Variants in ABCB5 observed in about 807,000 individuals in gnomAD.
ABCB5 encodes ATP binding cassette subfamily B member 5.
A neutral mutation model predicts 144.2 loss-of-function variants in ABCB5; 155 were observed. The ratio of observed to expected loss-of-function variants is 1.08; its 90% CI spans 0.94 to 1.23. The LOEUF (loss-of-function observed/expected upper bound fraction) is 1.23, where lower values mean the gene tolerates loss of function less well. ABCB5 is among the 50% of genes most tolerant of loss of function. The pLI is 0.00. For synonymous variants in ABCB5, 610 were observed against 528.6 expected, an observed-to-expected ratio of 1.15 and a Z score of -2.11; for missense variants, 1,830 against 1,520.8, an observed-to-expected ratio of 1.20 and a Z score of -3.38.
intron 20 of ABCB5, among the ~76,000 whole-genome samples, chr7:20,721,797 T>C (rs1370302368): frequency 6.6e-6 from 1 of 152,228 alleles, no homozygotes; most frequent in Non-Finnish European, 1.5e-5. Flanking sequence ...GAATTCACTT[T>C]AGAACATTTT....
chr7:20,720,771 C>A (rs1018590900), intron 20 of ABCB5, among the ~76,000 whole-genome samples: 3 of 151,608 alleles, frequency 2.0e-5, no homozygotes, highest in African/African-American at 7.3e-5. Flanking sequence ...CGGTGAAACC[C>A]CGTCTCTACT....
At chr7:20,660,606 G>A (rs1382108263) in intron 14 of ABCB5, among the ~76,000 whole-genome samples, 2 of 152,176 alleles carry the variant, frequency 1.3e-5, no homozygotes, top group African/African-American at 4.8e-5. Flanking sequence ...CTGCAGTTAT[G>A]GAACCAAGCC....
chr7:20,639,139 T>C (rs1042933202), intron 5 of ABCB5, among the ~76,000 whole-genome samples: 3 of 152,224 alleles, frequency 2.0e-5, no homozygotes, highest in African/African-American at 7.2e-5. Context: ...ACTTTTTATC[T>C]ACTCATATAT....
At position 20,639,584 on chromosome 7, in the gene ABCB5, A is replaced by G. The variant is rs1184133814; in HGVS notation, c.315-3600A>G. Among the ~76,000 whole-genome samples, 3 of 152,178 alleles carry G rather than the reference A, an allele frequency of 2.0e-5. No homozygotes were observed. The East Asian group carries it at 5.8e-4, about 29-fold the overall frequency. The stretch of plus-strand genomic sequence containing the variant: ...CATGTGGCTGTCCAGTTGTCCCAGA[A>G]CCATTTGTTGAAAAAACAGTCTTTT... On this transcript the variant is annotated intron_variant, in intron 5 of 27. Transcript: ENST00000404938.
intron 4 of ABCB5, among the ~76,000 whole-genome samples, chr7:20,630,087 G>A (rs1260530771): frequency 6.6e-6 from 1 of 151,984 alleles, no homozygotes; most frequent in Non-Finnish European, 1.5e-5. Flanking sequence ...TTATTCTTTA[G>A]GTTAAATTCC....
rs765395888 is a variant in ABCB5 at position 20,626,609 on chromosome 7, A to G, written c.106A>G (p.Ile36Val). The G allele has an allele frequency of 1.9e-6, 3 of 1,604,072 alleles. No homozygotes were observed. The highest frequency in any genetic ancestry group is 2.6e-6 in the Non-Finnish European group (3 of 1,174,978). Residue 36 changes from isoleucine to valine, a missense_variant and splice_region_variant, in exon 3 of 28, where the codon ATA (isoleucine) becomes GTA (valine). Coordinates refer to ENST00000404938, the MANE Select transcript of ABCB5 (RefSeq NM_001163941.2). ...LRKEAVGSIE[I>V]FRFADGLDIT... ...AAAGGAAGCAGTTGGATCTATTGAG[A>G]TAGTAAGTGAAATCAGTTAGAAAGT...
chr7:20,617,023 C>T (rs1035419981), intron 1 of ABCB5, among the ~76,000 whole-genome samples: 1 of 152,132 alleles, frequency 6.6e-6, no homozygotes, highest in African/African-American at 2.4e-5. Flanking sequence ...CTTTCTCTGA[C>T]CAGATGTATA....
chr7:20,679,557 A>T (rs901654404), intron 14 of ABCB5, among the ~76,000 whole-genome samples: 1 of 151,856 alleles, frequency 6.6e-6, no homozygotes, highest in Non-Finnish European at 1.5e-5. Flanking sequence ...TATTTAACAA[A>T]GTTCTCACTT....
intron 11 of ABCB5, among the ~76,000 whole-genome samples, chr7:20,649,276 T>C (rs936181573): frequency 6.6e-6 from 1 of 152,204 alleles, no homozygotes; most frequent in Non-Finnish European, 1.5e-5. Context: ...GTTTGGCTTA[T>C]GCAAAGGGTC....
At chr7:20,738,938 A>C in intron 23 of ABCB5, 45 bp from the exon 24 acceptor site, 2 of 1,524,612 alleles carry the variant, frequency 1.3e-6, no homozygotes, top group Non-Finnish European at 1.8e-6. Context: ...ACTGTTTTAC[A>C]AAGGATCGAT....
At chr7:20,659,490 T>C (rs1192647753) in intron 14 of ABCB5, 29 of 1,042,022 alleles carry the variant, frequency 2.8e-5, no homozygotes, top group Non-Finnish European at 3.1e-5. Context: ...GTCCACTGCT[T>C]CTTGAAAAAT....
At chr7:20,617,558 A>G (rs1400173821) in intron 1 of ABCB5, among the ~76,000 whole-genome samples, 1 of 152,234 alleles carries the variant, frequency 6.6e-6, no homozygotes, top group Non-Finnish European at 1.5e-5. Context: ...TTTGTGCTAG[A>G]TACTATATAG....
chr7:20,651,242 C>A (rs1346138064), intron 12 of ABCB5, among the ~76,000 whole-genome samples, 178 bp from the exon 13 acceptor site: 2 of 152,046 alleles, frequency 1.3e-5, no homozygotes, highest in African/African-American at 4.8e-5. Flanking sequence ...TGTTGGTGCC[C>A]ATCTACCAGA....
chr7:20,697,627 T>G (rs1786465880), intron 16 of ABCB5, among the ~76,000 whole-genome samples: 1 of 152,222 alleles, frequency 6.6e-6, no homozygotes, highest in African/African-American at 2.4e-5. Flanking sequence ...AGACCCAGAA[T>G]GACTACTTGC....
intron 13 of ABCB5, among the ~76,000 whole-genome samples, chr7:20,653,910 C>G (rs1347517936): frequency 6.6e-6 from 1 of 152,178 alleles, no homozygotes; most frequent in Non-Finnish European, 1.5e-5. Context: ...ACATTAACAC[C>G]TTTTTAACCC....
At chr7:20,642,270 G>C (rs1784310483) in intron 5 of ABCB5, among the ~76,000 whole-genome samples, 1 of 152,116 alleles carries the variant, frequency 6.6e-6, no homozygotes. Context: ...GACTTCTTTT[G>C]TTTCTGGAAT....
At chr7:20,738,620 G>A (rs1782462849) in intron 23 of ABCB5, among the ~76,000 whole-genome samples, 1 of 152,124 alleles carries the variant, frequency 6.6e-6, no homozygotes, top group South Asian at 2.1e-4. Context: ...CTCACTACTG[G>A]AGATTCATTC....
chr7:20,740,229 G>A (rs1782520394), intron 24 of ABCB5, among the ~76,000 whole-genome samples: 1 of 152,140 alleles, frequency 6.6e-6, no homozygotes, highest in African/African-American at 2.4e-5. Flanking sequence ...GACAGAGCGA[G>A]ACTTGCTCTC....
At chr7:20,742,373 CAAATA>C (rs150241163) in intron 24 of ABCB5, among the ~76,000 whole-genome samples, 121,099 of 150,556 alleles carry the variant, frequency 0.8, 48,932 homozygotes, top group Admixed American at 0.83. Context: ...GACCCTTTCT[CAAATA>C]AAATAAAATA....
Sources: allele counts gnomAD v4.1 joint callset (sites outside exome capture counted in the v4.1 genomes callset), GRCh38; gene constraint gnomAD v4.1.1; transcripts MANE v1.5; gene names NCBI Gene and HGNC (gene_info 2026-07-23, HGNC 2026-07-21).